SYDE2: variants seen among roughly 807,000 people sequenced by gnomAD.
SYDE2 encodes rho GTPase-activating protein SYDE2.
A neutral mutation model predicts 91.5 loss-of-function variants in SYDE2; 76 were observed. That is an observed-to-expected ratio of 0.83 (90% CI 0.69 to 1.01). The LOEUF is 1.01. Among genes scored for constraint, SYDE2 ranks in the 50% least tolerant of loss-of-function variants. The pLI, the probability that SYDE2 is intolerant of heterozygous loss-of-function variation, is 0.00. For synonymous variants in SYDE2, 513 were observed against 506.4 expected (o/e 1.01, Z -0.18); for missense variants, 1,364 against 1,367.7 (o/e 1.00, Z 0.04).
At chr1:85,194,462 CAA>C (rs1658502871) in intron 1 of SYDE2, among the ~76,000 whole-genome samples, 1 of 146,768 alleles carries the variant, frequency 6.8e-6, no homozygotes, top group African/African-American at 2.5e-5. Context: ...AAAATACATA[CAA>C]TATATAATAA....
At chr1:85,160,347 TCA>T (rs1463301906) in intron 6 of SYDE2, 16 of 888,666 alleles carry the variant, frequency 1.8e-5, no homozygotes, top group Non-Finnish European at 2.2e-5. Flanking sequence ...TTCATAGATC[TCA>T]CACTTTTTTA....
intron 1 of SYDE2, 40 bp from the exon 2 acceptor site, chr1:85,190,792 G>A: frequency 6.7e-7 from 1 of 1,484,836 alleles, no homozygotes; most frequent in Non-Finnish European, 9.1e-7. Flanking sequence ...TATAATGGCT[G>A]GTATATCAGA....
chr1:85,167,319 A>C (rs1657324069), intron 5 of SYDE2, among the ~76,000 whole-genome samples: 1 of 152,172 alleles, frequency 6.6e-6, no homozygotes, highest in Non-Finnish European at 1.5e-5. Context: ...CACTTCTGAG[A>C]CTCTATTCTA....
intron 4 of SYDE2, among the ~76,000 whole-genome samples, chr1:85,172,122 A>G (rs548887937): frequency 2.6e-5 from 4 of 152,244 alleles, no homozygotes; most frequent in Non-Finnish European, 4.4e-5. Context: ...TTTGTCCAAG[A>G]TGTAAGGAAG....
chr1:85,167,683 G>A (rs1449449453), intron 5 of SYDE2, among the ~76,000 whole-genome samples: 1 of 152,210 alleles, frequency 6.6e-6, no homozygotes, highest in Non-Finnish European at 1.5e-5. Context: ...TTTTAGAAAG[G>A]ATGGTAATAG....
At chr1:85,164,383 T>C (rs912669825) in intron 6 of SYDE2, 143 bp downstream of exon 6, 1 of 529,882 alleles carries the variant, frequency 1.9e-6, no homozygotes, top group Admixed American at 4.0e-5. Context: ...GAAAAAAATC[T>C]AAAGGGCAGG....
chr1:85,190,989 ACT>A (rs1658344431), intron 1 of SYDE2, among the ~76,000 whole-genome samples: 1 of 152,026 alleles, frequency 6.6e-6, no homozygotes. Flanking sequence ...GGATATACAA[ACT>A]CTGAGCCTGC....
At position 85,168,927 on chromosome 1, in the gene SYDE2, G is replaced by C. The variant is rs1287968011; in HGVS notation, c.2853+117C>G. The C allele has an allele frequency of 5.6e-6, 5 of 894,012 alleles. No individual in the cohort carries two copies. The East Asian group carries it at 1.3e-4, about 23-fold the overall frequency. The allele number at this position is 894,012 out of a possible 1,614,324, so 55.4% of individuals were successfully genotyped here. ...GCTGTTTAAAGGCAGTAATGGCAGAGCTTTTAAATCCATGAGTGCCACAAA... is the reference window on the plus strand; with the variant it reads ...GCTGTTTAAAGGCAGTAATGGCAGACCTTTTAAATCCATGAGTGCCACAAA... On this transcript the variant is annotated intron_variant, in intron 5 of 6. Coordinates refer to ENST00000341460, the MANE Select transcript of SYDE2 (RefSeq NM_032184.2).
At chr1:85,160,117 T>A in intron 6 of SYDE2, 2 of 984,918 alleles carry the variant, frequency 2.0e-6, no homozygotes, top group African/African-American at 3.5e-5. Flanking sequence ...CTATTAAAGA[T>A]TACCCATAAT....
Position 85,200,757 on chromosome 1 carries a change from C to T in SYDE2, c.240G>A (p.Arg80=). 1 of 1,529,198 alleles carries T rather than the reference C, an allele frequency of 6.5e-7. No individual in the cohort carries two copies. Among genetic ancestry groups the T allele is most frequent in the Non-Finnish European group, 8.7e-7 (1 of 1,143,214 alleles). 94.7% of individuals were successfully genotyped at this position (1,529,198 alleles called of 1,614,324 possible). The part of the protein sequence containing the change: ...RGGQLRTPRM[R]PSCSRSLESL... ...TCTCGAGGCTTCTGCTGCAGGACGG[C>T]CGCATCCGAGGAGTCCGCAGCTGGC... The change falls in exon 1 of 7, where the codon CGG becomes CGA. Residue 80 remains arginine, a synonymous_variant. Coordinates refer to ENST00000341460, the MANE Select transcript of SYDE2 (RefSeq NM_032184.2).
At chr1:85,154,534 C>T (rs982850295), downstream of SYDE2, among the ~76,000 whole-genome samples, 3 of 148,608 alleles carry the variant, frequency 2.0e-5, no homozygotes, top group Non-Finnish European at 4.4e-5. Context: ...CATTATAAGA[C>T]ATTTTAATAA....
chr1:85,183,298 G>T, intron 2 of SYDE2, 98 bp from the exon 3 acceptor site: 2 of 1,108,436 alleles, frequency 1.8e-6, no homozygotes, highest in Non-Finnish European at 2.4e-6. Context: ...TTTCACATAG[G>T]CAGAAATTCT....
At chr1:85,180,524 T>C (rs954258946) in intron 3 of SYDE2, among the ~76,000 whole-genome samples, 1 of 151,928 alleles carries the variant, frequency 6.6e-6, no homozygotes, top group African/African-American at 2.4e-5. Flanking sequence ...ACCCTGTCTC[T>C]ACTAAAAAAA....
In SYDE2 at chr1:85,190,044, T is replaced by C. The variant is rs1244460888; in HGVS notation, c.1441+13A>G. Reference sequence around the variant, plus strand: ...GGAAGAAGAAAGAAAGACACATATATGATCATTTTTACCTGCAAAAGGAGA... The same window carrying C: ...GGAAGAAGAAAGAAAGACACATATACGATCATTTTTACCTGCAAAAGGAGA... On this transcript the variant is annotated intron_variant, in intron 2 of 6. Transcript: ENST00000341460. 3 of 1,563,870 alleles carry C rather than the reference T, an allele frequency of 1.9e-6. No individual in the cohort carries two copies. Among genetic ancestry groups the C allele is most frequent in the Admixed American group, 3.7e-5 (2 of 54,374 alleles).
intron 4 of SYDE2, among the ~76,000 whole-genome samples, chr1:85,175,361 G>T (rs762556037): frequency 1.3e-5 from 2 of 152,160 alleles, no homozygotes; most frequent in African/African-American, 2.4e-5. Flanking sequence ...CTAGCTGGGC[G>T]TAGTGGCGTG....
intron 5 of SYDE2, among the ~76,000 whole-genome samples, chr1:85,165,307 T>C (rs1207872769): frequency 6.6e-6 from 1 of 152,214 alleles, no homozygotes. Context: ...AAAATACTTA[T>C]GAATGCATTC....
At chr1:85,190,822 C>G (rs939394432) in intron 1 of SYDE2, 70 bp from the exon 2 acceptor site, 4 of 1,313,992 alleles carry the variant, frequency 3.0e-6, no homozygotes, top group Admixed American at 2.6e-5. Context: ...CACTTCAGAC[C>G]AGTTATTTAA....
At chr1:85,187,162 T>C (rs1658175487) in intron 2 of SYDE2, among the ~76,000 whole-genome samples, 1 of 151,876 alleles carries the variant, frequency 6.6e-6, no homozygotes, top group South Asian at 2.1e-4. Context: ...CTCAAACAAA[T>C]TTACAAGAAA....
At chr1:85,156,505 A>C (rs1380698482), downstream of SYDE2, among the ~76,000 whole-genome samples, 1 of 152,198 alleles carries the variant, frequency 6.6e-6, no homozygotes, top group Non-Finnish European at 1.5e-5. Context: ...CTCGCAAAAA[A>C]TATTTGAAGT....
Sources: allele counts gnomAD v4.1 joint callset (sites outside exome capture counted in the v4.1 genomes callset), GRCh38; gene constraint gnomAD v4.1.1; transcripts MANE v1.5; gene names NCBI Gene and HGNC (gene_info 2026-07-23, HGNC 2026-07-21).